PCCA: variants seen among roughly 807,000 people sequenced by gnomAD.
The protein encoded by PCCA is propionyl-CoA carboxylase subunit alpha, also known as propionyl-CoA carboxylase alpha chain, mitochondrial.
A neutral mutation model predicts 101.3 loss-of-function variants in PCCA; 74 were observed. The ratio of observed to expected loss-of-function variants is 0.73; its 90% CI spans 0.61 to 0.89. The LOEUF is 0.89. PCCA is among the 40% of genes least tolerant of loss of function. The pLI is 0.00. For missense variants in PCCA, 891 were observed against 907.0 expected, an observed-to-expected ratio of 0.98 and a Z score of 0.23; for synonymous variants, 294 against 313.6, an observed-to-expected ratio of 0.94 and a Z score of 0.66.
At chr13:100,527,425 C>T (rs1291874307) in intron 22 of PCCA, 12 of 553,152 alleles carry the variant, frequency 2.2e-5, no homozygotes, top group Admixed American at 1.7e-4. Context: ...TAGGCCCCGC[C>T]GCCAGGGTCC....
chr13:100,271,756 G>C (rs974268597), intron 11 of PCCA, among the ~76,000 whole-genome samples: 7 of 152,048 alleles, frequency 4.6e-5, no homozygotes, highest in African/African-American at 1.7e-4. Flanking sequence ...GTTACAAAAG[G>C]GTACTTTATC....
chr13:100,327,769 A>T (rs2068855467), intron 16 of PCCA, among the ~76,000 whole-genome samples: 1 of 152,176 alleles, frequency 6.6e-6, no homozygotes, highest in Admixed American at 6.5e-5. Flanking sequence ...CGGTATATTG[A>T]CGGCATCTCA....
intron 7 of PCCA, among the ~76,000 whole-genome samples, chr13:100,218,905 G>T (rs1269533917): frequency 6.6e-6 from 1 of 152,114 alleles, no homozygotes; most frequent in Non-Finnish European, 1.5e-5. Context: ...GTGAATGGTG[G>T]GCAGATTCTA....
intron 16 of PCCA, among the ~76,000 whole-genome samples, chr13:100,311,927 C>G (rs1282162173): frequency 6.6e-6 from 1 of 152,138 alleles, no homozygotes; most frequent in South Asian, 2.1e-4. Context: ...GCACCCTGTT[C>G]AAATACTTCT....
At chr13:100,294,974 C>G (rs1566883566) in intron 12 of PCCA, among the ~76,000 whole-genome samples, 1 of 152,256 alleles carries the variant, frequency 6.6e-6, no homozygotes, top group South Asian at 2.1e-4. Flanking sequence ...TAGAGTCTCA[C>G]TCTGTCACCC....
At chr13:100,496,503 G>C (rs1566458179) in intron 21 of PCCA, among the ~76,000 whole-genome samples, 1 of 151,966 alleles carries the variant, frequency 6.6e-6, no homozygotes, top group Non-Finnish European at 1.5e-5. Flanking sequence ...CGTAACGGTG[G>C]TGCTGCTGCG....
chr13:100,244,888 A>C (rs1461197188), intron 8 of PCCA, among the ~76,000 whole-genome samples: 1 of 151,538 alleles, frequency 6.6e-6, no homozygotes, highest in Non-Finnish European at 1.5e-5. Context: ...ATATGTTTAT[A>C]TAGTTATTTG....
At chr13:100,179,355 A>G (rs1013902261) in intron 6 of PCCA, among the ~76,000 whole-genome samples, 1 of 152,124 alleles carries the variant, frequency 6.6e-6, no homozygotes, top group African/African-American at 2.4e-5. Flanking sequence ...AGAGAAACAG[A>G]TGATTTCTGC....
intron 12 of PCCA, among the ~76,000 whole-genome samples, chr13:100,282,780 G>A (rs1473350723): frequency 5.9e-5 from 9 of 152,138 alleles, no homozygotes. Context: ...TCTTTTCATT[G>A]AGGGAGAATA....
At chr13:100,503,493 C>G (rs889163779) in intron 21 of PCCA, among the ~76,000 whole-genome samples, 5 of 151,610 alleles carry the variant, frequency 3.3e-5, no homozygotes, top group Non-Finnish European at 7.4e-5. Context: ...TCCATCCCCC[C>G]CCAAAAAAGA....
At chr13:100,199,476 C>T (rs1023691368) in intron 6 of PCCA, among the ~76,000 whole-genome samples, 2 of 152,238 alleles carry the variant, frequency 1.3e-5, no homozygotes, top group African/African-American at 4.8e-5. Flanking sequence ...AGTCTTACCC[C>T]AGTCTTGACT....
intron 18 of PCCA, among the ~76,000 whole-genome samples, chr13:100,347,157 T>G (rs1024322412): frequency 3.3e-5 from 5 of 152,182 alleles, no homozygotes; most frequent in African/African-American, 9.7e-5. Flanking sequence ...TTACAGGTGT[T>G]AGCCACCACG....
In PCCA at chr13:100,330,583, A is replaced by T. The variant is rs1429955087; in HGVS notation, c.1452A>T (p.Leu484Phe). The T allele has an allele frequency of 6.2e-7, 1 of 1,607,732 alleles. No homozygotes were observed. Among genetic ancestry groups the T allele is most frequent in the African/African-American group, 1.3e-5 (1 of 74,810 alleles). Reference protein sequence around the residue: ...VIRGVTHNIALLREVIINSRF... With the variant: ...VIRGVTHNIAFLREVIINSRF... ...TAGGTGTTACACATAATATTGCATT[A>T]CTTCGAGAGGTGATAATCAACTCAC... The change falls in exon 17 of 24, where the codon TTA becomes TTT. Residue 484 changes from leucine (L) to phenylalanine (F), a missense_variant. Transcript: ENST00000376285.
chr13:100,437,167 T>TA (rs2079994861), intron 20 of PCCA, among the ~76,000 whole-genome samples: 1 of 152,228 alleles, frequency 6.6e-6, no homozygotes, highest in Non-Finnish European at 1.5e-5. Context: ...GTGCATGCCC[T>TA]AGGCTTTCTC....
chr13:100,255,796 C>T (rs958187022), intron 8 of PCCA, among the ~76,000 whole-genome samples: 16 of 152,306 alleles, frequency 1.1e-4, no homozygotes, highest in East Asian at 9.6e-4. Context: ...TAATCTCTTG[C>T]AGAATCAAGA....
rs2054441665 is a variant in PCCA, at chr13:100,161,278, C to A, written c.468+3938C>A. On this transcript the variant is annotated intron_variant, in intron 6 of 23. Coordinates refer to ENST00000376285, the MANE Select transcript of PCCA (RefSeq NM_000282.4). Reference sequence around the variant, plus strand: ...AATTGTTTCAGACCTCCCCCGGCCCCCAGAAATTTGCTAGTATTTATCAAA... The same window carrying A: ...AATTGTTTCAGACCTCCCCCGGCCCACAGAAATTTGCTAGTATTTATCAAA... 2.0e-5 allele frequency: 3 copies of A among 152,084 alleles called. No individual in the cohort carries two copies. The South Asian group carries it at 6.2e-4, about 32-fold the overall frequency. 9.4% of individuals were successfully genotyped at this position (152,084 alleles called of 1,614,324 possible).
intron 20 of PCCA, among the ~76,000 whole-genome samples, chr13:100,430,377 T>C (rs1250916642): frequency 5.9e-5 from 9 of 152,358 alleles, no homozygotes; most frequent in Middle Eastern, 3.4e-3. Flanking sequence ...TTATGAGTTT[T>C]AAATTGATCA....
intron 19 of PCCA, among the ~76,000 whole-genome samples, chr13:100,373,934 A>G (rs2075739200): frequency 6.6e-6 from 1 of 152,082 alleles, no homozygotes. Flanking sequence ...CAACATAGTG[A>G]AACCCCGTCT....
intron 5 of PCCA, among the ~76,000 whole-genome samples, chr13:100,155,991 G>A (rs2053843798): frequency 6.6e-6 from 1 of 152,164 alleles, no homozygotes; most frequent in South Asian, 2.1e-4. Context: ...TGAAGTTGGT[G>A]GAATGAAAAC....
Sources: allele counts gnomAD v4.1 joint callset (sites outside exome capture counted in the v4.1 genomes callset), GRCh38; gene constraint gnomAD v4.1.1; transcripts MANE v1.5; gene names NCBI Gene and HGNC (gene_info 2026-07-23, HGNC 2026-07-21).